The following PARD3 variants were observed in gnomAD, a reference collection of about 807,000 sequenced individuals.
The protein encoded by PARD3 is partitioning defective 3 homolog.
Under a neutral mutation model 155.4 loss-of-function variants are expected in PARD3, and 75 were observed. That is an observed-to-expected ratio of 0.48 (90% CI 0.40 to 0.58). PARD3 has a LOEUF of 0.58. PARD3 is among the 20% of genes least tolerant of loss of function. PARD3 has a pLI of 0.00. For synonymous variants in PARD3, 576 were observed against 610.5 expected (o/e 0.94, Z 0.83); for missense variants, 1,642 against 1,721.7 (o/e 0.95, Z 0.82).
At chr10:34,700,593 A>AT (rs2094256305) in intron 1 of PARD3, among the ~76,000 whole-genome samples, 1 of 152,208 alleles carries the variant, frequency 6.6e-6, no homozygotes, top group Admixed American at 6.5e-5. Context: ...ATCTATGTTG[A>AT]TAAAAAAAAA....
intron 1 of PARD3, among the ~76,000 whole-genome samples, chr10:34,729,178 G>A (rs187743826): frequency 5.3e-5 from 8 of 152,230 alleles, no homozygotes; most frequent in South Asian, 4.1e-4. Context: ...CTCCTTAAGC[G>A]GCGCGTGACT....
At chr10:34,762,968 C>T (rs930961844) in intron 1 of PARD3, among the ~76,000 whole-genome samples, 7 of 152,214 alleles carry the variant, frequency 4.6e-5, no homozygotes, top group South Asian at 2.1e-4. Flanking sequence ...ACACTCCATA[C>T]ACTGAGAATT....
At chr10:34,744,745 A>C (rs1164785971) in intron 1 of PARD3, among the ~76,000 whole-genome samples, 1 of 152,266 alleles carries the variant, frequency 6.6e-6, no homozygotes, top group African/African-American at 2.4e-5. Context: ...TAATGTAATA[A>C]TTGAACAAAA....
chr10:34,463,157 G>C (rs2077774729), intron 4 of PARD3, among the ~76,000 whole-genome samples: 1 of 134,914 alleles, frequency 7.4e-6, no homozygotes, highest in East Asian at 2.4e-4. Flanking sequence ...GAAGGGAAAG[G>C]GGAAGGGGAG....
chr10:34,398,373 T>C (rs1220633462), intron 7 of PARD3, among the ~76,000 whole-genome samples: 1 of 152,210 alleles, frequency 6.6e-6, no homozygotes, highest in Non-Finnish European at 1.5e-5. Flanking sequence ...GTTTAAACTA[T>C]GTTCTACGGT....
At chr10:34,462,226 G>C (rs564084311) in intron 4 of PARD3, among the ~76,000 whole-genome samples, 10 of 152,314 alleles carry the variant, frequency 6.6e-5, no homozygotes, top group South Asian at 2.1e-4. Flanking sequence ...ATTAAAGAGA[G>C]CTACAGGTCT....
intron 1 of PARD3, among the ~76,000 whole-genome samples, chr10:34,780,828 A>G (rs1840153375): frequency 6.6e-6 from 1 of 152,238 alleles, no homozygotes; most frequent in South Asian, 2.1e-4. Flanking sequence ...ATCAGTGCGG[A>G]GGCAACATAC....
intron 19 of PARD3, among the ~76,000 whole-genome samples, chr10:34,328,136 C>G (rs1019043225): frequency 6.6e-6 from 1 of 152,188 alleles, no homozygotes; most frequent in Non-Finnish European, 1.5e-5. Context: ...AGCAGTAACA[C>G]CACATTTGAT....
intron 1 of PARD3, among the ~76,000 whole-genome samples, chr10:34,738,626 T>G (rs556921433): frequency 2.0e-5 from 3 of 152,296 alleles, no homozygotes; most frequent in South Asian, 4.1e-4. Context: ...CATCGGCGGT[T>G]CCAGCTACCA....
At chr10:34,488,323 A>T (rs1029046268) in intron 3 of PARD3, among the ~76,000 whole-genome samples, 1 of 150,854 alleles carries the variant, frequency 6.6e-6, no homozygotes, top group African/African-American at 2.4e-5. Context: ...ATTTATTTTT[A>T]TTTATTTATT....
chr10:34,372,085 GTA>G (rs2134638949), intron 12 of PARD3, among the ~76,000 whole-genome samples: 1 of 152,074 alleles, frequency 6.6e-6, no homozygotes, highest in South Asian at 2.1e-4. Flanking sequence ...ATTTTCCTGT[GTA>G]TACTTTTTTT....
chr10:34,394,961 G>A (rs552944875), intron 7 of PARD3, among the ~76,000 whole-genome samples: 2 of 151,504 alleles, frequency 1.3e-5, no homozygotes, highest in East Asian at 1.9e-4. Flanking sequence ...AGGTTCTTCT[G>A]CCAAAGGTAA....
chr10:34,443,265 T>G (rs2076561803), intron 5 of PARD3, among the ~76,000 whole-genome samples: 1 of 152,250 alleles, frequency 6.6e-6, no homozygotes, highest in Admixed American at 6.5e-5. Flanking sequence ...TTTTTAAATT[T>G]ACTTTTGCCC....
chr10:34,501,937 T>C (rs1338819803), intron 3 of PARD3, among the ~76,000 whole-genome samples: 1 of 152,180 alleles, frequency 6.6e-6, no homozygotes, highest in Admixed American at 6.5e-5. Flanking sequence ...TGGGAAGCTG[T>C]GTCCTCATGA....
At chr10:34,324,397 GGAAAAGTTTCTTGGA>G (rs1177237628) in intron 19 of PARD3, among the ~76,000 whole-genome samples, 5 of 152,156 alleles carry the variant, frequency 3.3e-5, no homozygotes, top group Non-Finnish European at 7.3e-5. Flanking sequence ...GATTGTCGGG[GGAAAAGTTTCTTGGA>G]GAAGGAAGAT....
At chr10:34,429,404 CCTTTTTTTG>C (rs1048939344) in intron 5 of PARD3, among the ~76,000 whole-genome samples, 5 of 140,652 alleles carry the variant, frequency 3.6e-5, no homozygotes, top group Admixed American at 3.5e-4. Flanking sequence ...TTTTTTTTTT[CCTTTTTTTG>C]AGACAGGGTC....
chr10:34,762,845 G>A (rs1837630524), intron 1 of PARD3, among the ~76,000 whole-genome samples: 1 of 152,102 alleles, frequency 6.6e-6, no homozygotes, highest in Non-Finnish European at 1.5e-5. Context: ...AAACCTACCA[G>A]CTACCACTAG....
intron 1 of PARD3, among the ~76,000 whole-genome samples, chr10:34,743,828 C>A (rs923436203): frequency 6.6e-5 from 10 of 152,144 alleles, no homozygotes; most frequent in Admixed American, 6.5e-4. Context: ...AGCTGTGTGA[C>A]TGCCCCCACA....
intron 2 of PARD3, among the ~76,000 whole-genome samples, chr10:34,633,938 A>C (rs1333434842): frequency 6.6e-6 from 1 of 152,150 alleles, no homozygotes; most frequent in Non-Finnish European, 1.5e-5. Context: ...TGAGAGTTTT[A>C]AGTAGAAGGC....
Sources: allele counts gnomAD v4.1 joint callset (sites outside exome capture counted in the v4.1 genomes callset), GRCh38; gene constraint gnomAD v4.1.1; transcripts MANE v1.5; gene names NCBI Gene and HGNC (gene_info 2026-07-23, HGNC 2026-07-21).